Variants in NOX4 observed in about 807,000 individuals in gnomAD.
The protein encoded by NOX4 is NADPH oxidase 4.
NOX4 carries 69 observed loss-of-function variants against 87.6 expected under a neutral mutation model. That is an observed-to-expected ratio of 0.79 (90% CI 0.65 to 0.96). NOX4 has a LOEUF of 0.96. NOX4 is among the 40% of genes least tolerant of loss of function. The pLI is 0.00. For synonymous variants in NOX4, 275 were observed against 238.2 expected (o/e 1.15, Z -1.42); for missense variants, 680 against 681.5 (o/e 1.00, Z 0.02).
At chr11:89,351,240 A>C (rs777852591) in intron 13 of NOX4, among the ~76,000 whole-genome samples, 1 of 152,206 alleles carries the variant, frequency 6.6e-6, no homozygotes, top group African/African-American at 2.4e-5. Flanking sequence ...ACAAGGCCTT[A>C]ACTCTCTTCT....
At chr11:89,444,872 T>G (rs1003470663) in intron 4 of NOX4, among the ~76,000 whole-genome samples, 1 of 152,084 alleles carries the variant, frequency 6.6e-6, no homozygotes, top group African/African-American at 2.4e-5. Context: ...ACATAAATAA[T>G]AGCAGTGTTA....
At chr11:89,550,245 G>A in the NOX4 span, among the ~76,000 whole-genome samples, 1 of 151,768 alleles carries the variant, frequency 6.6e-6, no homozygotes, top group Non-Finnish European at 1.5e-5. Flanking sequence ...TAGTGCAGTG[G>A]CATGATCTTG....
the NOX4 span, among the ~76,000 whole-genome samples, chr11:89,526,846 G>A: frequency 2.0e-5 from 3 of 152,172 alleles, no homozygotes; most frequent in Non-Finnish European, 2.9e-5. Context: ...TGGGACTGGA[G>A]AGAGTGGGGT....
chr11:89,519,729 T>C, the NOX4 span, among the ~76,000 whole-genome samples: 1 of 151,520 alleles, frequency 6.6e-6, no homozygotes, highest in Admixed American at 6.6e-5. Context: ...AGCTAACATA[T>C]ATAAGCAGTA....
chr11:89,570,114 C>T, the NOX4 span, among the ~76,000 whole-genome samples: 1 of 152,124 alleles, frequency 6.6e-6, no homozygotes, highest in Non-Finnish European at 1.5e-5. Flanking sequence ...AGACACTCAT[C>T]AGTGCTGAAC....
At chr11:89,557,379 G>A in the NOX4 span, among the ~76,000 whole-genome samples, 2 of 152,072 alleles carry the variant, frequency 1.3e-5, no homozygotes, top group Admixed American at 6.6e-5. Context: ...TTTTTCCTCC[G>A]GGAAAGGAGG....
rs1944584910 is a variant in NOX4 at position 89,444,238 on chromosome 11, G to A, written c.350-6C>T. 1.2e-6 allele frequency: 2 copies of A among 1,611,500 alleles called. No homozygotes were observed. The highest frequency in any genetic ancestry group is 1.1e-5 in the South Asian group (1 of 91,036). On this transcript the variant is annotated splice_polypyrimidine_tract_variant and splice_region_variant and intron_variant, in intron 4 of 17. Coordinates refer to ENST00000263317, the MANE Select transcript of NOX4 (RefSeq NM_016931.5). ...ATGGGCAGCCACATGCACGCCTACA[G>A]AATTACACCAGGGGTAAGTTAGTGG...
At chr11:89,526,263 A>T in the NOX4 span, among the ~76,000 whole-genome samples, 4 of 152,188 alleles carry the variant, frequency 2.6e-5, no homozygotes, top group Non-Finnish European at 5.9e-5. Context: ...TTATATGTAC[A>T]TAATAGTTGT....
Position 89,440,565 on chromosome 11 carries a change from T to C in NOX4, c.475+123A>G, listed in dbSNP as rs1944411339. 5.8e-6 allele frequency: 3 copies of C among 519,074 alleles called. No individual in the cohort carries two copies. The South Asian group carries it at 1.0e-4, about 18-fold the overall frequency. 32.2% of individuals were successfully genotyped at this position (519,074 alleles called of 1,614,324 possible). On this transcript the variant is annotated intron_variant, in intron 6 of 17. Transcript: ENST00000263317. ...GTTTCGAGTTCCTGACCTCAGGTGATCCGCCCGCCTCAGCCTCCCAAAGTG... is the reference window on the plus strand; with the variant it reads ...GTTTCGAGTTCCTGACCTCAGGTGACCCGCCCGCCTCAGCCTCCCAAAGTG...
At chr11:89,577,193 C>G in the NOX4 span, 4 of 151,920 alleles carry the variant, frequency 2.6e-5, no homozygotes, top group African/African-American at 4.8e-5. Context: ...TTTTTACTAG[C>G]ATAGAGAATT....
At chr11:89,551,187 G>A in the NOX4 span, among the ~76,000 whole-genome samples, 1 of 151,954 alleles carries the variant, frequency 6.6e-6, no homozygotes, top group African/African-American at 2.4e-5. Context: ...GTGACTTGTA[G>A]TATAGTTTAG....
intron 13 of NOX4, among the ~76,000 whole-genome samples, chr11:89,353,337 G>A (rs946888009): frequency 3.3e-5 from 5 of 152,104 alleles, no homozygotes; most frequent in African/African-American, 4.8e-5. Flanking sequence ...AGAAATTGCC[G>A]CAGGTGCCCC....
chr11:89,373,985 C>T (rs1290592782), intron 11 of NOX4, among the ~76,000 whole-genome samples: 2 of 151,990 alleles, frequency 1.3e-5, no homozygotes, highest in Admixed American at 1.3e-4. Context: ...ATTTCATTCC[C>T]TCCCTTAATT....
At chr11:89,554,707 C>T in the NOX4 span, among the ~76,000 whole-genome samples, 1 of 151,934 alleles carries the variant, frequency 6.6e-6, no homozygotes, top group African/African-American at 2.4e-5. Context: ...CTTAATGATT[C>T]CTAAGAGTAC....
chr11:89,357,978 A>T (rs2134989234), intron 12 of NOX4, among the ~76,000 whole-genome samples: 1 of 152,270 alleles, frequency 6.6e-6, no homozygotes, highest in Non-Finnish European at 1.5e-5. Flanking sequence ...TCACTTATAA[A>T]GCTATAAGGA....
At chr11:89,364,885 CA>C (rs1938828074) in intron 12 of NOX4, among the ~76,000 whole-genome samples, 1 of 151,968 alleles carries the variant, frequency 6.6e-6, no homozygotes, top group South Asian at 2.1e-4. Context: ...AACTAAAAAC[CA>C]ACCAGCTGGC....
intron 13 of NOX4, among the ~76,000 whole-genome samples, chr11:89,343,557 A>G (rs1946092273): frequency 6.6e-6 from 1 of 152,066 alleles, no homozygotes; most frequent in Non-Finnish European, 1.5e-5. Context: ...CATGACATCT[A>G]CTTTTTTGAG....
At chr11:89,548,433 AT>A in the NOX4 span, 1 of 152,240 alleles carries the variant, frequency 6.6e-6, no homozygotes, top group Non-Finnish European at 1.5e-5. Flanking sequence ...ATAAATTTCT[AT>A]CATTTACAAC....
upstream of NOX4, among the ~76,000 whole-genome samples, chr11:89,495,475 G>A (rs1444488873): frequency 1.3e-5 from 2 of 151,936 alleles, no homozygotes; most frequent in African/African-American, 2.4e-5. Context: ...ATTGTATTCA[G>A]GGCTCACCCA....
Sources: allele counts gnomAD v4.1 joint callset (sites outside exome capture counted in the v4.1 genomes callset), GRCh38; gene constraint gnomAD v4.1.1; transcripts MANE v1.5; gene names NCBI Gene and HGNC (gene_info 2026-07-23, HGNC 2026-07-21).